The following NWD1 variants were observed in gnomAD, a reference collection of about 807,000 sequenced individuals.
The protein encoded by NWD1 is NACHT domain- and WD repeat-containing protein 1.
A neutral mutation model predicts 135.1 loss-of-function variants in NWD1; 129 were observed. That is an observed-to-expected ratio of 0.96 (90% CI 0.83 to 1.11). The LOEUF is 1.11. Among genes scored for constraint, NWD1 ranks in the 50% least tolerant of loss-of-function variants. NWD1 has a pLI of 0.00. For missense variants in NWD1, 1,740 were observed against 1,851.3 expected (o/e 0.94, Z 1.10); for synonymous variants, 773 against 786.0 (o/e 0.98, Z 0.28).
intron 11 of NWD1, among the ~76,000 whole-genome samples, chr19:16,778,419 G>A (rs1044243919): frequency 9.9e-5 from 15 of 151,624 alleles, no homozygotes; most frequent in Middle Eastern, 3.4e-3. Context: ...ACTCAGAGAT[G>A]TCAAAAACAT....
Position 16,788,232 on chromosome 19 carries a change from A to AAAT in NWD1, c.2732-699_2732-697dup, listed in dbSNP as rs200511332. On this transcript the variant is annotated intron_variant, in intron 12 of 18. Transcript: ENST00000524140. The stretch of plus-strand genomic sequence containing the variant: ...GCAACAAGAGCAAAACTTCATCTCA[A>AAAT]AATAATAATAATAATAATAATAATA... 8.8e-3 allele frequency among the ~76,000 whole-genome samples: 1,014 copies of AAAT among 115,396 alleles called. 6 individuals are homozygous for AAAT. Among genetic ancestry groups the AAAT allele is most frequent in the Middle Eastern group, 0.025 (6 of 236 alleles). The allele number at this position is 115,396 out of a possible 152,430, so 75.7% of individuals were successfully genotyped here. A position where few individuals can be genotyped will look rare whatever the true frequency, so the allele number is the denominator to read the frequency against.
At chr19:16,808,240 G>A in intron 18 of NWD1, 104 bp downstream of exon 18, 2 of 1,070,680 alleles carry the variant, frequency 1.9e-6, no homozygotes, top group Non-Finnish European at 2.7e-6. Flanking sequence ...GACCAGGATG[G>A]GACTGGGGTG....
intron 6 of NWD1, 150 bp from the exon 7 acceptor site, chr19:16,759,075 G>A: frequency 1.5e-6 from 1 of 659,932 alleles, no homozygotes; most frequent in Admixed American, 2.3e-5. Context: ...AACCGTGCTT[G>A]GTACCTTGTG....
At chr19:16,788,283 T>TAAA (rs1555729798) in intron 12 of NWD1, among the ~76,000 whole-genome samples, 1 of 117,788 alleles carries the variant, frequency 8.5e-6, no homozygotes, top group Non-Finnish European at 1.8e-5. Flanking sequence ...ATAATAATAA[T>TAAA]AAAAGGCCAG....
intron 4 of NWD1, among the ~76,000 whole-genome samples, chr19:16,742,968 A>G (rs1188852701): frequency 6.6e-6 from 1 of 150,868 alleles, no homozygotes; most frequent in Non-Finnish European, 1.5e-5. Flanking sequence ...GCTGGAGTGT[A>G]GTGGTGCCAT....
intron 12 of NWD1, among the ~76,000 whole-genome samples, chr19:16,788,468 C>T (rs1387506404): frequency 6.7e-6 from 1 of 148,892 alleles, no homozygotes; most frequent in African/African-American, 2.5e-5. Flanking sequence ...ACATGGGAGG[C>T]TGAGGCACGA....
rs59934633 is a variant in NWD1, at chr19:16,732,216, C to CAA, written c.81+955_81+956dup. Among the ~76,000 whole-genome samples the CAA allele has an allele frequency of 1.9e-3, 214 of 114,744 alleles. 2 individuals are homozygous for CAA. Among genetic ancestry groups the CAA allele is most frequent in the African/African-American group, 6.1e-3 (199 of 32,358 alleles). The allele number at this position is 114,744 out of a possible 152,430, so 75.3% of individuals were successfully genotyped here. ...TGGGTGACAGAGTGAGACTCCGTCT[C>CAA]AAAAAAAAAAAAAAAAAAGGCAGAT... is the stretch of plus-strand genomic sequence containing the variant. On this transcript the variant is annotated intron_variant, in intron 3 of 18. Transcript: ENST00000524140.
intron 14 of NWD1, among the ~76,000 whole-genome samples, 175 bp from the exon 15 acceptor site, chr19:16,794,288 C>G (rs1970345800): frequency 6.6e-6 from 1 of 152,138 alleles, no homozygotes; most frequent in Non-Finnish European, 1.5e-5. Flanking sequence ...ATTGCTTGAA[C>G]CCGGGAGGCG....
chr19:16,812,899 A>G, intron 18 of NWD1: 1 of 780,058 alleles, frequency 1.3e-6, no homozygotes, highest in Non-Finnish European at 2.4e-6. Flanking sequence ...TCTGGAGAGA[A>G]AAGGCTCTGA....
chr19:16,756,043 C>T (rs980876221), intron 6 of NWD1, among the ~76,000 whole-genome samples: 6 of 152,036 alleles, frequency 3.9e-5, no homozygotes, highest in Non-Finnish European at 7.3e-5. Flanking sequence ...GTATTACAGA[C>T]TGTATTCCTA....
Position 16,749,760 on chromosome 19 carries a change from TG to T in NWD1, c.1122del (p.Thr375ArgfsTer4). On this transcript the variant is annotated frameshift_variant, in exon 6 of 19. Coordinates refer to ENST00000524140, the MANE Select transcript of NWD1 (RefSeq NM_001007525.5). LOFTEE classifies it high-confidence loss of function. ...AAGACAGTGACCGTCCTGCGGCTGC[TG>T]GGGACGTCACAAATGAGCTCAGATG... is the stretch of plus-strand genomic sequence containing the variant. The part of the protein sequence containing the change: ...GHKTVTVLRL[L>X]GTSQMSSDAR... 2 of 1,607,238 alleles carry T rather than the reference TG, an allele frequency of 1.2e-6. No homozygotes were observed. Among genetic ancestry groups the T allele is most frequent in the Non-Finnish European group, 8.5e-7 (1 of 1,176,212 alleles).
chr19:16,771,189 C>T lies in NWD1; in HGVS notation c.2411-1937C>T, dbSNP rs557646770. ...ATAGATGGCTGGGCACAGTGGCTCA[C>T]GCCTGTAACCCCAATACTTTGAGAA... On this transcript the variant is annotated intron_variant, in intron 10 of 18. Coordinates refer to ENST00000524140, the MANE Select transcript of NWD1 (RefSeq NM_001007525.5). Among the ~76,000 whole-genome samples the T allele has an allele frequency of 1.1e-4, 17 of 152,292 alleles. No individual in the cohort carries two copies. The South Asian group carries it at 2.5e-3, about 22-fold the overall frequency.
intron 13 of NWD1, 64 bp from the exon 14 acceptor site, chr19:16,791,286 C>A: frequency 6.8e-7 from 1 of 1,459,894 alleles, no homozygotes; most frequent in Non-Finnish European, 9.4e-7. Flanking sequence ...TTGCATTTGA[C>A]TCCGGGAAAC....
chr19:16,730,436 G>C (rs933717133), intron 2 of NWD1, among the ~76,000 whole-genome samples: 1 of 152,036 alleles, frequency 6.6e-6, no homozygotes, highest in African/African-American at 2.4e-5. Context: ...ATAATCCACT[G>C]GTCACAGTGG....
At chr19:16,738,418 A>G (rs1967925607) in intron 4 of NWD1, 1 of 246,684 alleles carries the variant, frequency 4.1e-6, no homozygotes, top group African/African-American at 2.3e-5. Context: ...AAAATACACA[A>G]ATTAGCCAGA....
At chr19:16,747,099 C>T (rs1325836957) in intron 5 of NWD1, among the ~76,000 whole-genome samples, 1 of 146,162 alleles carries the variant, frequency 6.8e-6, no homozygotes, top group Non-Finnish European at 1.5e-5. Context: ...TGTAGTGGTG[C>T]GATCTCAGCT....
chr19:16,779,613 C>T lies in NWD1; in HGVS notation c.2731+148C>T, dbSNP rs868514028. The T allele has an allele frequency of 1.7e-5, 12 of 705,420 alleles. No individual in the cohort carries two copies. In the African/African-American group the frequency reaches 2.0e-4, roughly 12 times the overall value. 43.7% of individuals were successfully genotyped at this position (705,420 alleles called of 1,614,324 possible). A position where few individuals can be genotyped will look rare whatever the true frequency, so the allele number is the denominator to read the frequency against. Reference sequence around the variant, plus strand: ...GCTATAGTTGCATAATGAACCATCCCCAAACACAGTAGTTTCAAACAAGCC... The same window carrying T: ...GCTATAGTTGCATAATGAACCATCCTCAAACACAGTAGTTTCAAACAAGCC... On this transcript the variant is annotated intron_variant, in intron 12 of 18. Coordinates refer to ENST00000524140, the MANE Select transcript of NWD1 (RefSeq NM_001007525.5).
intron 3 of NWD1, among the ~76,000 whole-genome samples, chr19:16,733,044 AG>A (rs1967643512): frequency 6.6e-6 from 1 of 151,940 alleles, no homozygotes. Context: ...TAATATAACA[AG>A]ATCCCGTCTC....
chr19:16,750,350 C>A lies in NWD1; in HGVS notation c.1708C>A (p.Leu570Met), dbSNP rs1968525937. 3 of 1,610,926 alleles carry A rather than the reference C, an allele frequency of 1.9e-6. No individual in the cohort carries two copies. Among genetic ancestry groups the A allele is most frequent in the Admixed American group, 1.7e-5 (1 of 59,262 alleles). ...EEATHQLCTR[L>M]EQTHGQLLVA... Reference sequence around the variant, plus strand: ...AGCCACGCACCAACTCTGCACCCGCCTGGAGCAGACACACGGGCAGCTCCT... The same window carrying A: ...AGCCACGCACCAACTCTGCACCCGCATGGAGCAGACACACGGGCAGCTCCT... The change falls in exon 6 of 19, where the codon CTG becomes ATG. Residue 570 changes from leucine to methionine, a missense_variant. Coordinates refer to ENST00000524140, the MANE Select transcript of NWD1 (RefSeq NM_001007525.5).
Sources: allele counts gnomAD v4.1 joint callset (sites outside exome capture counted in the v4.1 genomes callset), GRCh38; gene constraint gnomAD v4.1.1; transcripts MANE v1.5; gene names NCBI Gene and HGNC (gene_info 2026-07-23, HGNC 2026-07-21).